The following IL13RA1 variants were observed in gnomAD, a reference collection of about 807,000 sequenced individuals.
IL13RA1 encodes the protein interleukin-13 receptor subunit alpha-1.
Under a neutral mutation model 33.8 loss-of-function variants are expected in IL13RA1, and 14 were observed. The ratio of observed to expected loss-of-function variants is 0.41; its 90% CI spans 0.27 to 0.65. The LOEUF is 0.65. Among genes scored for constraint, IL13RA1 ranks in the 30% least tolerant of loss-of-function variants. The probability of loss-of-function intolerance (pLI) is 0.28; values close to 1 mark genes in which losing one functional copy is unlikely to be tolerated. For missense variants in IL13RA1, 313 were observed against 327.0 expected (o/e 0.96, Z 0.33); for synonymous variants, 116 against 115.7 (o/e 1.00, Z -0.02).
chrX:118,733,523 G>C (rs1377442270), intron 1 of IL13RA1, among the ~76,000 whole-genome samples: 1 of 110,910 alleles, frequency 9.0e-6, no homozygotes, highest in Admixed American at 9.6e-5. Context: ...GTATATTCTG[G>C]ATATTAATCC....
At chrX:118,781,612 A>G (rs2017844471) in intron 10 of IL13RA1, among the ~76,000 whole-genome samples, 1 of 112,889 alleles carries the variant, frequency 8.9e-6, no homozygotes, top group Admixed American at 9.3e-5. Flanking sequence ...TTGGCCTCCC[A>G]AAGTGCTGGG....
chrX:118,743,206 C>T (rs1368064114), intron 2 of IL13RA1, among the ~76,000 whole-genome samples: 3 of 111,889 alleles, frequency 2.7e-5, no homozygotes, highest in African/African-American at 9.7e-5. Context: ...ATTTTCCTCT[C>T]CTCTTTCTGT....
chrX:118,728,091 G>C (rs1431014923), intron 1 of IL13RA1, among the ~76,000 whole-genome samples: 1 of 112,780 alleles, frequency 8.9e-6, no homozygotes, highest in African/African-American at 3.2e-5. Context: ...TCAGAGGGCC[G>C]TGGGTCAGCG....
chrX:118,743,863 G>T (rs895156169), intron 2 of IL13RA1, among the ~76,000 whole-genome samples: 4 of 112,109 alleles, frequency 3.6e-5, no homozygotes, highest in African/African-American at 9.7e-5. Flanking sequence ...TCTGATGGGA[G>T]GGTTGAACGT....
chrX:118,788,982 C>G (rs372174515), intron 10 of IL13RA1, among the ~76,000 whole-genome samples: 1 of 111,965 alleles, frequency 8.9e-6, no homozygotes, highest in African/African-American at 3.2e-5. Context: ...CAGATTTTTG[C>G]GTTAGTGATG....
rs1331914698 is a variant in IL13RA1, at chrX:118,761,295, G to A, written c.828+6G>A. On this transcript the variant is annotated splice_donor_region_variant and intron_variant, in intron 6 of 10. Transcript: ENST00000371666. Reference sequence around the variant, plus strand: ...AGACACATAATGTTTTCTACGTAAGGTTTTAAAATTATTGTTTTTATTTGG... The same window carrying A: ...AGACACATAATGTTTTCTACGTAAGATTTTAAAATTATTGTTTTTATTTGG... 3 of 931,607 alleles carry A rather than the reference G, an allele frequency of 3.2e-6. No individual in the cohort carries two copies. The highest frequency in any genetic ancestry group is 4.0e-5 in the African/African-American group (2 of 49,709). The allele number at this position is 931,607 out of a possible 1,213,427, so 76.8% of individuals were successfully genotyped here.
intron 8 of IL13RA1, among the ~76,000 whole-genome samples, chrX:118,767,442 G>A (rs1844132523): frequency 9.0e-6 from 1 of 111,251 alleles, no homozygotes; most frequent in African/African-American, 3.3e-5. Flanking sequence ...CCAAGAGGCA[G>A]AGATGGGAAG....
chrX:118,750,760 A>G (rs1185214402), intron 4 of IL13RA1, among the ~76,000 whole-genome samples: 1 of 110,548 alleles, frequency 9.0e-6, no homozygotes, highest in Non-Finnish European at 1.9e-5. Context: ...ATTGATGTCT[A>G]CTTTTAAAAA....
downstream of IL13RA1, among the ~76,000 whole-genome samples, chrX:118,798,601 C>T (rs893649840): frequency 1.1e-4 from 12 of 112,391 alleles, no homozygotes; most frequent in Non-Finnish European, 1.9e-4. Context: ...CTGGGAATTC[C>T]CTCCACTTCC....
At chrX:118,781,955 T>C (rs1163509167) in intron 10 of IL13RA1, among the ~76,000 whole-genome samples, 1 of 112,759 alleles carries the variant, frequency 8.9e-6, no homozygotes, top group Non-Finnish European at 1.9e-5. Context: ...TAGCACCTTG[T>C]CAAGTCTTCA....
intron 10 of IL13RA1, among the ~76,000 whole-genome samples, chrX:118,789,893 T>C (rs935110661): frequency 3.6e-5 from 4 of 111,318 alleles, no homozygotes; most frequent in Non-Finnish European, 7.5e-5. Flanking sequence ...TACCCACTTG[T>C]CTTAGTGTCA....
intron 3 of IL13RA1, among the ~76,000 whole-genome samples, chrX:118,747,480 A>G (rs1411029248): frequency 9.0e-6 from 1 of 111,265 alleles, no homozygotes; most frequent in South Asian, 3.8e-4. Flanking sequence ...GGAAGAAAGG[A>G]ACTGCGTGAC....
chrX:118,804,394 TACACACACACACACAC>T, the IL13RA1 span, among the ~76,000 whole-genome samples: 6 of 89,699 alleles, frequency 6.7e-5, no homozygotes, highest in African/African-American at 1.6e-4. Flanking sequence ...CAGCCATGCA[TACACACACACACACAC>T]ACACACACAC....
chrX:118,797,707 G>A (rs907369026), downstream of IL13RA1, among the ~76,000 whole-genome samples: 1 of 112,311 alleles, frequency 8.9e-6, no homozygotes, highest in Non-Finnish European at 1.9e-5. Flanking sequence ...CTTAGAAGCC[G>A]AGAAATTGGC....
chrX:118,785,639 T>C (rs1240533094), intron 10 of IL13RA1, among the ~76,000 whole-genome samples: 6 of 111,317 alleles, frequency 5.4e-5, no homozygotes, highest in African/African-American at 2.0e-4. Context: ...GGTGCGATCT[T>C]GGCTCACTGC....
intron 10 of IL13RA1, among the ~76,000 whole-genome samples, chrX:118,788,474 G>A (rs948854243): frequency 2.7e-5 from 3 of 111,722 alleles, no homozygotes; most frequent in Non-Finnish European, 3.8e-5. Context: ...ATACAGTTTC[G>A]TTGGCCAGGC....
In IL13RA1 at chrX:118,785,790, G is replaced by A. The variant is rs759833346; in HGVS notation, c.1192-5972G>A. ...GCACCATGTTGGCCAGGCTGGTCTC[G>A]AACCCCTGACCTCAAGTGATCCACC... is the stretch of plus-strand genomic sequence containing the variant. On this transcript the variant is annotated intron_variant, in intron 10 of 10. Coordinates refer to ENST00000371666, the MANE Select transcript of IL13RA1 (RefSeq NM_001560.3). 2.8e-3 allele frequency among the ~76,000 whole-genome samples: 306 copies of A among 110,654 alleles called. 2 individuals carry two copies. The highest frequency in any genetic ancestry group is 4.8e-3 in the Non-Finnish European group (251 of 52,814).
rs112320906 is a variant in IL13RA1, at chrX:118,736,421, C to G, written c.89-4596C>G. On this transcript the variant is annotated intron_variant, in intron 1 of 10. Transcript: ENST00000371666. ...TCTGGAAACCAGATTCCCCCTTCCC[C>G]CAGGATTTGCTGTTTTTTGTTATTG... Among the ~76,000 whole-genome samples, 619 of 110,484 alleles carry G rather than the reference C, an allele frequency of 5.6e-3. 5 individuals carry two copies. The highest frequency in any genetic ancestry group is 0.019 in the African/African-American group (584 of 30,325).
Position 118,766,901 on chromosome X carries a change from A to G in IL13RA1, c.934A>G (p.Ile312Val), listed in dbSNP as rs1388451266. Residue 312 changes from isoleucine to valine, a missense_variant, in exon 8 of 11, where the codon ATA (isoleucine) becomes GTA (valine). Coordinates refer to ENST00000371666, the MANE Select transcript of IL13RA1 (RefSeq NM_001560.3). ...VLPDTLNTVRIRVKTNKLCYE... is the reference protein window; with the variant it reads ...VLPDTLNTVRVRVKTNKLCYE... ...TCCTGATACTTTGAACACAGTCAGA[A>G]TAAGAGTCAAAACAAATAAGTTATG... 1.8e-6 allele frequency: 2 copies of G among 1,087,557 alleles called. No homozygotes were observed. The highest frequency in any genetic ancestry group is 6.0e-5 in the East Asian group (2 of 33,247). The allele number at this position is 1,087,557 out of a possible 1,213,427, so 89.6% of individuals were successfully genotyped here. A position where few individuals can be genotyped will look rare whatever the true frequency, so the allele number is the denominator to read the frequency against.
Sources: allele counts gnomAD v4.1 joint callset (sites outside exome capture counted in the v4.1 genomes callset), GRCh38; gene constraint gnomAD v4.1.1; transcripts MANE v1.5; gene names NCBI Gene and HGNC (gene_info 2026-07-23, HGNC 2026-07-21).